The following KPNA3 variants were observed in gnomAD, a reference collection of about 807,000 sequenced individuals.
KPNA3 encodes the protein karyopherin subunit alpha 3, also known as importin subunit alpha-4.
KPNA3 carries 13 observed loss-of-function variants against 73.8 expected under a neutral mutation model. The ratio of observed to expected loss-of-function variants is 0.18; its 90% confidence interval spans 0.11 to 0.28. The LOEUF (loss-of-function observed/expected upper bound fraction) is 0.28, where lower values mean the gene tolerates loss of function less well. Among genes scored for constraint, KPNA3 ranks in the 10% least tolerant of loss-of-function variants. KPNA3 has a pLI of 1.00. For synonymous variants in KPNA3, 186 were observed against 206.9 expected, an observed-to-expected ratio of 0.90 and a Z score of 0.87; for missense variants, 360 against 618.1, an observed-to-expected ratio of 0.58 and a Z score of 4.43.
intron 10 of KPNA3, among the ~76,000 whole-genome samples, chr13:49,715,274 T>C (rs1954294626): frequency 6.6e-6 from 1 of 152,144 alleles, no homozygotes. Flanking sequence ...ATGGCAGAAC[T>C]AATATCCTTA....
At chr13:49,757,173 T>A (rs1339482927) in intron 1 of KPNA3, among the ~76,000 whole-genome samples, 1 of 151,932 alleles carries the variant, frequency 6.6e-6, no homozygotes, top group Non-Finnish European at 1.5e-5. Context: ...ATAACAGAAA[T>A]AGTTGGTAAA....
intron 2 of KPNA3, among the ~76,000 whole-genome samples, chr13:49,745,388 C>G (rs1487977530): frequency 6.7e-6 from 1 of 148,790 alleles, no homozygotes; most frequent in Non-Finnish European, 1.5e-5. Flanking sequence ...GAGACAGAGT[C>G]TCGCTCTGTC....
At chr13:49,712,368 T>C (rs1954267657) in intron 10 of KPNA3, among the ~76,000 whole-genome samples, 1 of 151,832 alleles carries the variant, frequency 6.6e-6, no homozygotes, top group Non-Finnish European at 1.5e-5. Flanking sequence ...TGGTGAACAA[T>C]TATGAACACA....
chr13:49,769,856 C>G (rs1294996971), intron 1 of KPNA3, among the ~76,000 whole-genome samples: 1 of 152,188 alleles, frequency 6.6e-6, no homozygotes, highest in Non-Finnish European at 1.5e-5. Context: ...GCTGCACATC[C>G]TACCAGAAGC....
At chr13:49,730,470 A>G (rs574060650) in intron 6 of KPNA3, among the ~76,000 whole-genome samples, 2 of 123,632 alleles carry the variant, frequency 1.6e-5, no homozygotes, top group East Asian at 4.1e-4. Flanking sequence ...CAGTGAGCCA[A>G]GATTGCACCA....
At chr13:49,774,039 G>C (rs1381760203) in intron 1 of KPNA3, among the ~76,000 whole-genome samples, 1 of 151,812 alleles carries the variant, frequency 6.6e-6, no homozygotes, top group Non-Finnish European at 1.5e-5. Flanking sequence ...CCAAGTAGCT[G>C]GGACCACAGG....
chr13:49,764,066 C>CAAA (rs11301654), intron 1 of KPNA3, among the ~76,000 whole-genome samples: 10 of 79,930 alleles, frequency 1.3e-4, no homozygotes, highest in African/African-American at 2.9e-4. Flanking sequence ...GACCCTGTCT[C>CAAA]AAAAAAAAAA....
intron 12 of KPNA3, among the ~76,000 whole-genome samples, chr13:49,708,034 C>T (rs146578067): frequency 0.036 from 5,249 of 145,522 alleles, 142 homozygotes; most frequent in Non-Finnish European, 0.059. Flanking sequence ...CTTGCTCTGT[C>T]GCCCAGGCTG....
At chr13:49,715,709 CA>C (rs1440829606) in intron 10 of KPNA3, among the ~76,000 whole-genome samples, 1 of 152,208 alleles carries the variant, frequency 6.6e-6, no homozygotes, top group African/African-American at 2.4e-5. Flanking sequence ...CAAAATGGCA[CA>C]ACCCTTACAG....
rs1472245811 is a variant in KPNA3 at position 49,699,776 on chromosome 13, CAAG to C, written c.*2021_*2023del. The C allele has an allele frequency of 2.6e-5, 4 of 152,582 alleles. No individual in the cohort carries two copies. The South Asian group carries it at 6.2e-4, about 24-fold the overall frequency. The allele number at this position is 152,582 out of a possible 1,614,324, so 9.5% of individuals were successfully genotyped here. A position where few individuals can be genotyped will look rare whatever the true frequency, so the allele number is the denominator to read the frequency against. On this transcript the variant is annotated 3_prime_UTR_variant, in exon 17 of 17. Transcript: ENST00000261667. ...CTGGAAGGGGTACGGTTCACAATATCAAGAAGATTTGGACTTTTAAGGGTTTCA... is the reference window on the plus strand; with the variant it reads ...CTGGAAGGGGTACGGTTCACAATATCAAGATTTGGACTTTTAAGGGTTTCA...
intron 6 of KPNA3, among the ~76,000 whole-genome samples, chr13:49,726,452 T>C (rs1323277911): frequency 6.6e-6 from 1 of 151,998 alleles, no homozygotes; most frequent in Non-Finnish European, 1.5e-5. Flanking sequence ...ACGACAAGGA[T>C]TAGATCAAGA....
rs1186908799 is a variant in KPNA3 at position 49,699,494 on chromosome 13, A to G, written c.*2306T>C. ...CACTGTTTTGAAAACTTAAAAGTGC[A>G]GCAATATACTTAGTTTCCTTTATCT... On this transcript the variant is annotated 3_prime_UTR_variant, in exon 17 of 17. Coordinates refer to ENST00000261667, the MANE Select transcript of KPNA3 (RefSeq NM_002267.4). The G allele has an allele frequency of 6.5e-6, 1 of 152,676 alleles. No individual in the cohort carries two copies. The highest frequency in any genetic ancestry group is 2.4e-5 in the African/African-American group (1 of 41,474). The allele number at this position is 152,676 out of a possible 1,614,324, so 9.5% of individuals were successfully genotyped here.
intron 1 of KPNA3, among the ~76,000 whole-genome samples, chr13:49,756,406 A>C (rs1239359022): frequency 6.6e-6 from 1 of 152,144 alleles, no homozygotes; most frequent in Non-Finnish European, 1.5e-5. Context: ...AAAATTTAAA[A>C]ATTAGCCAGG....
At chr13:49,767,940 T>C (rs978584457) in intron 1 of KPNA3, among the ~76,000 whole-genome samples, 3 of 152,224 alleles carry the variant, frequency 2.0e-5, no homozygotes, top group Admixed American at 6.5e-5. Context: ...CTACCTTACA[T>C]AGTCCAAAAT....
At position 49,774,074 on chromosome 13, in the gene KPNA3, T is replaced by C. The variant is rs536078476; in HGVS notation, c.69+18364A>G. 2.3e-3 allele frequency among the ~76,000 whole-genome samples: 240 copies of C among 102,830 alleles called. 3 individuals carry two copies. Among genetic ancestry groups the C allele is most frequent in the Admixed American group, 0.015 (179 of 11,814 alleles). 67.5% of individuals were successfully genotyped at this position (102,830 alleles called of 152,430 possible). ...GTGTGTGCCACTAAACCCAGGCTAATTTTTTTTTTTTTAAGGGATGGGGTT... is the reference window on the plus strand; with the variant it reads ...GTGTGTGCCACTAAACCCAGGCTAACTTTTTTTTTTTTAAGGGATGGGGTT... On this transcript the variant is annotated intron_variant, in intron 1 of 16. Transcript: ENST00000261667.
At chr13:49,783,446 G>T (rs1008338078) in intron 1 of KPNA3, among the ~76,000 whole-genome samples, 1 of 152,004 alleles carries the variant, frequency 6.6e-6, no homozygotes, top group African/African-American at 2.4e-5. Flanking sequence ...GTATCCTCGG[G>T]GGGGTTGGCT....
intron 2 of KPNA3, among the ~76,000 whole-genome samples, chr13:49,739,790 G>T (rs1325179167): frequency 5.9e-5 from 9 of 152,184 alleles, no homozygotes; most frequent in Non-Finnish European, 1.3e-4. Context: ...GTGCCAGAAT[G>T]TAAACCAACT....
intron 1 of KPNA3, among the ~76,000 whole-genome samples, chr13:49,788,950 G>A (rs78971879): frequency 6.6e-6 from 1 of 152,044 alleles, no homozygotes; most frequent in African/African-American, 2.4e-5. Flanking sequence ...ATTTGAAGGA[G>A]GAGGAAGAGG....
At chr13:49,786,975 G>A (rs1954987778) in intron 1 of KPNA3, among the ~76,000 whole-genome samples, 1 of 152,206 alleles carries the variant, frequency 6.6e-6, no homozygotes, top group Non-Finnish European at 1.5e-5. Flanking sequence ...AGGAAGTAAG[G>A]TTGGTAACAG....
Sources: gnomAD v4.1 joint callset for allele counts (sites outside exome capture counted in the v4.1 genomes callset) on GRCh38, gnomAD v4.1.1 for gene constraint, MANE v1.5 for transcripts, NCBI Gene and HGNC (gene_info 2026-07-23, HGNC 2026-07-21) for gene names.